The following ARIH1 variants were observed in gnomAD, a reference collection of about 807,000 sequenced individuals.
ARIH1 encodes E3 ubiquitin-protein ligase ARIH1.
Under a neutral mutation model 85.0 loss-of-function variants are expected in ARIH1, and 8 were observed. That is an observed-to-expected ratio of 0.09 (90% confidence interval 0.06 to 0.17). The LOEUF (loss-of-function observed/expected upper bound fraction) is 0.17, where lower values mean the gene tolerates loss of function less well. Ranked by LOEUF, ARIH1 falls within the 10% of genes least tolerant of loss-of-function variation. The probability of loss-of-function intolerance (pLI) is 1.00; values close to 1 mark genes in which losing one functional copy is unlikely to be tolerated. For missense variants in ARIH1, 311 were observed against 718.1 expected (o/e 0.43, Z 6.48); for synonymous variants, 238 against 253.6 (o/e 0.94, Z 0.59).
chr15:72,510,736 C>CAAAAAAAAAAAAAAAAAAA (rs57834481), intron 1 of ARIH1, among the ~76,000 whole-genome samples: 1 of 26,724 alleles, frequency 3.7e-5, no homozygotes, highest in South Asian at 2.8e-3. Context: ...GACTCTGACT[C>CAAAAAAAAAAAAAAAAAAA]AAAAAAAAAA....
At chr15:72,554,749 CTTTGT>C (rs557708835) in intron 3 of ARIH1, among the ~76,000 whole-genome samples, 1 of 151,564 alleles carries the variant, frequency 6.6e-6, no homozygotes, top group African/African-American at 2.4e-5. Flanking sequence ...TGTGGTGTTG[CTTTGT>C]TTTGTTTTGT....
At position 72,594,596 on chromosome 15, in the gene ARIH1, A is replaced by T. The variant is rs1212112419; in HGVS notation, c.*11304A>T. 6.6e-6 allele frequency: 1 copy of T among 152,014 alleles called. No homozygotes were observed. The highest frequency in any genetic ancestry group is 1.5e-5 in the Non-Finnish European group (1 of 68,012). The allele number at this position is 152,014 out of a possible 1,614,324, so 9.4% of individuals were successfully genotyped here. Reference sequence around the variant, plus strand: ...AAACTCCTGAGCTCAAGGGATTCTCATGCCTCAGCCACCCAAGTAGCTGGG... The same window carrying T: ...AAACTCCTGAGCTCAAGGGATTCTCTTGCCTCAGCCACCCAAGTAGCTGGG... On this transcript the variant is annotated 3_prime_UTR_variant, in exon 14 of 14. Transcript: ENST00000379887.
chr15:72,532,333 C>T (rs1023627275), intron 2 of ARIH1, among the ~76,000 whole-genome samples: 12 of 150,628 alleles, frequency 8.0e-5, no homozygotes, highest in East Asian at 3.9e-4. Flanking sequence ...ACTTGATAGA[C>T]GAAATGGGTA....
chr15:72,522,886 A>G (rs2064006640), intron 2 of ARIH1, among the ~76,000 whole-genome samples: 1 of 152,218 alleles, frequency 6.6e-6, no homozygotes, highest in Admixed American at 6.5e-5. Flanking sequence ...CAAATAAATG[A>G]AAAGATGCTC....
chr15:72,547,621 C>T (rs1289697894), intron 3 of ARIH1, among the ~76,000 whole-genome samples: 1 of 152,168 alleles, frequency 6.6e-6, no homozygotes, highest in Non-Finnish European at 1.5e-5. Flanking sequence ...TACCTTAAAT[C>T]ACAATTCTAA....
intron 2 of ARIH1, among the ~76,000 whole-genome samples, chr15:72,544,405 T>G (rs2064120187): frequency 6.6e-6 from 1 of 152,188 alleles, no homozygotes; most frequent in Admixed American, 6.5e-5. Flanking sequence ...TCTTCATAGG[T>G]ACCCCAGCAA....
intron 2 of ARIH1, among the ~76,000 whole-genome samples, chr15:72,539,373 T>G (rs1275318058): frequency 6.6e-6 from 1 of 151,854 alleles, no homozygotes; most frequent in African/African-American, 2.4e-5. Flanking sequence ...CTTAGGAAAT[T>G]AAACATAAGA....
At chr15:72,492,668 A>G (rs774640427) in intron 1 of ARIH1, among the ~76,000 whole-genome samples, 10 of 152,192 alleles carry the variant, frequency 6.6e-5, no homozygotes, top group Non-Finnish European at 1.5e-4. Flanking sequence ...ATTACATTTC[A>G]TTGGCCCTAA....
chr15:72,484,805 A>G (rs867319751), intron 1 of ARIH1, among the ~76,000 whole-genome samples: 14 of 139,858 alleles, frequency 1.0e-4, no homozygotes, highest in Admixed American at 5.8e-4. Flanking sequence ...ACACACACAC[A>G]CCACAGTTTC....
chr15:72,591,429 T>A lies in ARIH1; in HGVS notation c.*8137T>A, dbSNP rs2064343305. On this transcript the variant is annotated 3_prime_UTR_variant, in exon 14 of 14. Coordinates refer to ENST00000379887, the MANE Select transcript of ARIH1 (RefSeq NM_005744.5). Reference sequence around the variant, plus strand: ...CACATTAAATGGCTGTTCTTAGAATTATGAATCTGAGGCTTATGCAGTGAG... The same window carrying A: ...CACATTAAATGGCTGTTCTTAGAATAATGAATCTGAGGCTTATGCAGTGAG... The A allele has an allele frequency of 6.6e-6, 1 of 152,172 alleles. No homozygotes were observed. The highest frequency in any genetic ancestry group is 6.5e-5 in the Admixed American group (1 of 15,272). The allele number at this position is 152,172 out of a possible 1,614,324, so 9.4% of individuals were successfully genotyped here.
chr15:72,583,385 G>A lies in ARIH1; in HGVS notation c.*93G>A. 1 of 994,112 alleles carries A rather than the reference G, an allele frequency of 1.0e-6. No homozygotes were observed. Among genetic ancestry groups the A allele is most frequent in the Non-Finnish European group, 1.5e-6 (1 of 647,446 alleles). 61.6% of individuals were successfully genotyped at this position (994,112 alleles called of 1,614,324 possible). A position where few individuals can be genotyped will look rare whatever the true frequency, so the allele number is the denominator to read the frequency against. On this transcript the variant is annotated 3_prime_UTR_variant, in exon 14 of 14. Transcript: ENST00000379887. Reference sequence around the variant, plus strand: ...ACAAACACAAACAAGGAGGCACTAAGCCTATTCTGACACCACTGGTCTGTA... The same window carrying A: ...ACAAACACAAACAAGGAGGCACTAAACCTATTCTGACACCACTGGTCTGTA...
chr15:72,541,391 T>C (rs375480627), intron 2 of ARIH1, among the ~76,000 whole-genome samples: 8 of 152,308 alleles, frequency 5.3e-5, no homozygotes, highest in African/African-American at 1.9e-4. Flanking sequence ...ATAAAACTAT[T>C]GAGAGACTGA....
intron 2 of ARIH1, among the ~76,000 whole-genome samples, chr15:72,540,914 A>G (rs2064104201): frequency 6.6e-6 from 1 of 152,230 alleles, no homozygotes; most frequent in South Asian, 2.1e-4. Flanking sequence ...TATCTAAAGC[A>G]CAGGAATTCA....
At chr15:72,551,745 T>A (rs941787600) in intron 3 of ARIH1, among the ~76,000 whole-genome samples, 5 of 152,162 alleles carry the variant, frequency 3.3e-5, no homozygotes, top group Non-Finnish European at 7.4e-5. Context: ...TTCCCCTACT[T>A]ATAAATGGCC....
Position 72,587,412 on chromosome 15 carries a change from T to C in ARIH1, c.*4120T>C. On this transcript the variant is annotated 3_prime_UTR_variant, in exon 14 of 14. Transcript: ENST00000379887. ...CTCTGATCTTTCATTTGTTGCAGTT[T>C]GCAACACAGTAGTTGAGAATAAGTG... 2.8e-6 allele frequency: 1 copy of C among 357,238 alleles called. No homozygotes were observed. The allele number at this position is 357,238 out of a possible 1,614,324, so 22.1% of individuals were successfully genotyped here.
chr15:72,479,864 A>C (rs999904127), intron 1 of ARIH1, among the ~76,000 whole-genome samples: 2 of 150,268 alleles, frequency 1.3e-5, no homozygotes, highest in African/African-American at 4.9e-5. Flanking sequence ...ACAGTGTACT[A>C]TTCTTTTTTT....
rs1295586252 is a variant in ARIH1 at position 72,588,127 on chromosome 15, CTG to C, written c.*4836_*4837del. On this transcript the variant is annotated 3_prime_UTR_variant, in exon 14 of 14. Transcript: ENST00000379887. Reference sequence around the variant, plus strand: ...TCTCAAGTAATCCAGGAGTCTCAAACTGAAATGTCAACAAGAGCCAAGTAAAT... The same window carrying C: ...TCTCAAGTAATCCAGGAGTCTCAAACAAATGTCAACAAGAGCCAAGTAAAT... 6.6e-6 allele frequency: 1 copy of C among 152,280 alleles called. No homozygotes were observed. Among genetic ancestry groups the C allele is most frequent in the East Asian group, 1.9e-4 (1 of 5,188 alleles). 9.4% of individuals were successfully genotyped at this position (152,280 alleles called of 1,614,324 possible).
chr15:72,578,447 GTA>G (rs1322488855), intron 11 of ARIH1, among the ~76,000 whole-genome samples: 1 of 152,020 alleles, frequency 6.6e-6, no homozygotes, highest in East Asian at 1.9e-4. Flanking sequence ...AATGTGAATG[GTA>G]CCATATACGG....
intron 7 of ARIH1, among the ~76,000 whole-genome samples, chr15:72,565,609 A>G (rs1449923551): frequency 6.6e-6 from 1 of 152,218 alleles, no homozygotes; most frequent in East Asian, 1.9e-4. Context: ...TTTAGAGAAA[A>G]GGTGGATAAT....
Sources: gnomAD v4.1 joint callset for allele counts (sites outside exome capture counted in the v4.1 genomes callset) on GRCh38, gnomAD v4.1.1 for gene constraint, MANE v1.5 for transcripts, NCBI Gene and HGNC (gene_info 2026-07-23, HGNC 2026-07-21) for gene names.